Variants in KIF1B observed in about 807,000 individuals in gnomAD.
KIF1B encodes the protein kinesin-like protein KIF1B.
A neutral mutation model predicts 241.9 loss-of-function variants in KIF1B; 76 were observed. The ratio of observed to expected loss-of-function variants is 0.31; its 90% CI spans 0.26 to 0.38. The LOEUF is 0.38. Among genes scored for constraint, KIF1B ranks in the 10% least tolerant of loss-of-function variants. KIF1B has a pLI of 1.00. For synonymous variants in KIF1B, 750 were observed against 796.7 expected (o/e 0.94, Z 0.99); for missense variants, 1,622 against 2,271.4 (o/e 0.71, Z 5.81).
intron 4 of KIF1B, among the ~76,000 whole-genome samples, chr1:10,260,049 A>T (rs1016545193): frequency 8.5e-5 from 13 of 152,194 alleles, no homozygotes; most frequent in African/African-American, 3.1e-4. Context: ...ATTTTGAGAA[A>T]TGCATCATTA....
chr1:10,381,176 C>T lies in KIF1B; in HGVS notation c.*4589C>T, dbSNP rs1639013673. The T allele has an allele frequency of 4.5e-6, 1 of 219,800 alleles. No individual in the cohort carries two copies. Among genetic ancestry groups the T allele is most frequent in the African/African-American group, 2.2e-5 (1 of 44,554 alleles). The allele number at this position is 219,800 out of a possible 1,614,324, so 13.6% of individuals were successfully genotyped here. A position where few individuals can be genotyped will look rare whatever the true frequency, so the allele number is the denominator to read the frequency against. On this transcript the variant is annotated 3_prime_UTR_variant, in exon 49 of 49. Transcript: ENST00000676179. The stretch of plus-strand genomic sequence containing the variant: ...GCATCAGCTCACTTGAGGAGTCCCT[C>T]AGCCTTCTTGTATTTAAGGCATCGT...
Position 10,377,038 on chromosome 1 carries a change from T to C in KIF1B, c.*451T>C, listed in dbSNP as rs1251155466. The stretch of plus-strand genomic sequence containing the variant: ...TCAAGACAACATACTTTTTTTTTCT[T>C]TTCTCTGTTTGTGATATCACTTTAA... On this transcript the variant is annotated 3_prime_UTR_variant, in exon 49 of 49. Transcript: ENST00000676179. 2 of 258,090 alleles carry C rather than the reference T, an allele frequency of 7.7e-6. No homozygotes were observed. Among genetic ancestry groups the C allele is most frequent in the African/African-American group, 4.3e-5 (2 of 46,074 alleles). The allele number at this position is 258,090 out of a possible 1,614,324, so 16.0% of individuals were successfully genotyped here.
intron 23 of KIF1B, 127 bp downstream of exon 23, chr1:10,320,263 G>A (rs1651468031): frequency 1.5e-6 from 1 of 664,924 alleles, no homozygotes; most frequent in African/African-American, 1.8e-5. Flanking sequence ...ACATTTTACT[G>A]AGCCAGTTTA....
At chr1:10,296,451 G>A in intron 19 of KIF1B, 131 bp from the exon 20 acceptor site, 1 of 769,810 alleles carries the variant, frequency 1.3e-6, no homozygotes, top group Non-Finnish European at 2.2e-6. Context: ...CTACTGTATA[G>A]ACAACTTCAG....
intron 7 of KIF1B, among the ~76,000 whole-genome samples, chr1:10,268,687 A>G (rs1298052646): frequency 6.7e-6 from 1 of 148,538 alleles, no homozygotes; most frequent in African/African-American, 2.5e-5. Flanking sequence ...TAAGCAAATG[A>G]TATGTTTCAT....
intron 2 of KIF1B, among the ~76,000 whole-genome samples, chr1:10,253,781 T>C (rs4846208): frequency 0.24 from 36,138 of 152,238 alleles, 4,982 homozygotes; most frequent in Admixed American, 0.31. Flanking sequence ...ACCATTTGCA[T>C]GTGGAGAGAT....
At chr1:10,307,026 G>C (rs1650865269) in intron 22 of KIF1B, 4 of 1,040,174 alleles carry the variant, frequency 3.8e-6, no homozygotes, top group Non-Finnish European at 4.6e-6. Context: ...ATATTCCAAA[G>C]AATTGGGTTT....
chr1:10,283,206 C>CAAAAAAAA (rs33994771), intron 15 of KIF1B, among the ~76,000 whole-genome samples: 1 of 61,572 alleles, frequency 1.6e-5, no homozygotes, highest in Non-Finnish European at 3.2e-5. Context: ...GACTCCGTCT[C>CAAAAAAAA]AAAAAAAAAA....
At chr1:10,341,485 T>C (rs1652388734) in intron 32 of KIF1B, among the ~76,000 whole-genome samples, 1 of 152,028 alleles carries the variant, frequency 6.6e-6, no homozygotes, top group African/African-American at 2.4e-5. Flanking sequence ...AGCAGGTGAG[T>C]GAGTGAGCCA....
intron 1 of KIF1B, among the ~76,000 whole-genome samples, chr1:10,220,408 TA>T (rs201554561): frequency 1.8e-4 from 26 of 145,904 alleles, no homozygotes; most frequent in Non-Finnish European, 2.6e-4. Flanking sequence ...GATAGATAGA[TA>T]GATAGATAGA....
chr1:10,312,004 G>A (rs1651088104), intron 22 of KIF1B, among the ~76,000 whole-genome samples: 3 of 151,318 alleles, frequency 2.0e-5, no homozygotes, highest in Non-Finnish European at 4.4e-5. Flanking sequence ...CTCAGCGGGA[G>A]AGCCAGAGCC....
At chr1:10,213,461 T>C (rs1000408604) in intron 1 of KIF1B, among the ~76,000 whole-genome samples, 1 of 152,164 alleles carries the variant, frequency 6.6e-6, no homozygotes, top group African/African-American at 2.4e-5. Context: ...CAACGGAGTC[T>C]TTCTTAAGGC....
intron 27 of KIF1B, among the ~76,000 whole-genome samples, chr1:10,333,981 T>C (rs1050680645): frequency 1.3e-5 from 2 of 151,560 alleles, no homozygotes; most frequent in African/African-American, 2.4e-5. Flanking sequence ...TGAAACCCCA[T>C]CTCTATTAAA....
At chr1:10,289,621 C>T (rs1649886342) in intron 15 of KIF1B, among the ~76,000 whole-genome samples, 1 of 152,162 alleles carries the variant, frequency 6.6e-6, no homozygotes, top group Admixed American at 6.6e-5. Context: ...CGGTGGCTCA[C>T]ACCTGTAATC....
chr1:10,363,680 G>A lies in KIF1B; in HGVS notation c.4366+336G>A, dbSNP rs533415261. ...TGCACTGCAGCCTAGGTGACAGAGT[G>A]AGACTCAGTCTCAAAAAAGAAAAAG... On this transcript the variant is annotated intron_variant, in intron 41 of 48. Transcript: ENST00000676179. 3.1e-3 allele frequency among the ~76,000 whole-genome samples: 472 copies of A among 152,192 alleles called. 1 individual carries two copies. The highest frequency in any genetic ancestry group is 5.3e-3 in the Non-Finnish European group (358 of 68,012).
chr1:10,292,387 G>C, intron 17 of KIF1B: 1 of 409,498 alleles, frequency 2.4e-6, no homozygotes, highest in East Asian at 4.7e-5. Context: ...AGTTTGTTTA[G>C]TCATCTTTAT....
In KIF1B at chr1:10,237,279, T is replaced by G. The variant is rs546026203; in HGVS notation, c.106+4845T>G. On this transcript the variant is annotated intron_variant, in intron 2 of 48. Transcript: ENST00000676179. ...GAAGCATTTCTTATTGTCTAATTAC[T>G]TGGTAAAAAGGGAAATGAGCCAAAG... Among the ~76,000 whole-genome samples the G allele has an allele frequency of 3.3e-5, 5 of 152,308 alleles. No homozygotes were observed. In the South Asian group the frequency reaches 8.3e-4, roughly 25 times the overall value.
At chr1:10,307,372 C>T (rs1650880873) in intron 22 of KIF1B, 4 of 770,004 alleles carry the variant, frequency 5.2e-6, no homozygotes, top group Non-Finnish European at 6.4e-6. Flanking sequence ...TGCAGTGGCA[C>T]AATCTCAGCT....
chr1:10,347,260 T>C (rs180675335), intron 35 of KIF1B, among the ~76,000 whole-genome samples: 95 of 152,352 alleles, frequency 6.2e-4, no homozygotes, highest in Non-Finnish European at 8.8e-4. Context: ...GAAACACTTA[T>C]TAAGTTCCTA....
Sources: gnomAD v4.1 joint callset for allele counts (sites outside exome capture counted in the v4.1 genomes callset) on GRCh38, gnomAD v4.1.1 for gene constraint, MANE v1.5 for transcripts, NCBI Gene and HGNC (gene_info 2026-07-23, HGNC 2026-07-21) for gene names.